The following NALF1 variants were observed in gnomAD, a reference collection of about 807,000 sequenced individuals.
The protein encoded by NALF1 is NALCN channel auxiliary factor 1.
A neutral mutation model predicts 48.4 loss-of-function variants in NALF1; 3 were observed. The ratio of observed to expected loss-of-function variants is 0.06; its 90% CI spans 0.03 to 0.16. The LOEUF (loss-of-function observed/expected upper bound fraction) is 0.16. Among genes scored for constraint, NALF1 ranks in the 10% least tolerant of loss-of-function variants. The pLI is 1.00. For missense variants in NALF1, 526 were observed against 571.5 expected, an observed-to-expected ratio of 0.92 and a Z score of 0.81; for synonymous variants, 262 against 245.7, an observed-to-expected ratio of 1.07 and a Z score of -0.62.
intron 1 of NALF1, among the ~76,000 whole-genome samples, chr13:107,579,657 T>A (rs562985764): frequency 8.3e-6 from 1 of 119,780 alleles, no homozygotes; most frequent in South Asian, 3.3e-4. Context: ...TTTTCTTTTT[T>A]TTTTTAGCTG....
chr13:107,342,758 A>G (rs752227367), intron 1 of NALF1, among the ~76,000 whole-genome samples: 3 of 152,198 alleles, frequency 2.0e-5, no homozygotes, highest in Admixed American at 6.5e-5. Context: ...AGAGATATAA[A>G]AGGAAATGTA....
intron 1 of NALF1, among the ~76,000 whole-genome samples, chr13:107,723,674 C>T (rs1009661513): frequency 3.3e-5 from 5 of 152,040 alleles, no homozygotes; most frequent in African/African-American, 4.8e-5. Flanking sequence ...CAATAGGGCC[C>T]GATAAACTTT....
intron 1 of NALF1, among the ~76,000 whole-genome samples, chr13:107,435,924 T>C (rs573099943): frequency 2.2e-4 from 33 of 152,306 alleles, no homozygotes; most frequent in Non-Finnish European, 4.1e-4. Flanking sequence ...ATGAATACCA[T>C]GGCAGCAGTT....
intron 1 of NALF1, among the ~76,000 whole-genome samples, chr13:107,675,523 G>A (rs1363196794): frequency 6.6e-6 from 1 of 152,154 alleles, no homozygotes; most frequent in Non-Finnish European, 1.5e-5. Context: ...TGAATCGCTA[G>A]AATTTGAAAA....
chr13:107,243,826 G>A (rs568942234), intron 1 of NALF1, among the ~76,000 whole-genome samples: 59 of 152,254 alleles, frequency 3.9e-4, no homozygotes, highest in African/African-American at 1.3e-3. Context: ...AGGAGGCGGC[G>A]GCAAGCAGGA....
At chr13:107,635,550 A>G in intron 1 of NALF1, among the ~76,000 whole-genome samples, 1 of 152,114 alleles carries the variant, frequency 6.6e-6, no homozygotes, top group East Asian at 1.9e-4. Context: ...CTTTAAGGCT[A>G]GCATAAGTTT....
intron 1 of NALF1, among the ~76,000 whole-genome samples, chr13:107,810,233 A>G (rs149318634): frequency 0.022 from 3,396 of 152,140 alleles, 56 homozygotes; most frequent in Non-Finnish European, 0.037. Flanking sequence ...ATATGACTCA[A>G]TATCTCCTCA....
intron 1 of NALF1, among the ~76,000 whole-genome samples, chr13:107,408,139 A>G (rs1245952259): frequency 6.6e-6 from 1 of 152,034 alleles, no homozygotes; most frequent in East Asian, 1.9e-4. Context: ...CACAGGGGAC[A>G]AGTAGGAATG....
intron 1 of NALF1, among the ~76,000 whole-genome samples, chr13:107,647,776 T>C (rs1445959823): frequency 2.6e-5 from 4 of 152,080 alleles, no homozygotes. Flanking sequence ...ATAGTAAACA[T>C]TACATAATGC....
intron 1 of NALF1, among the ~76,000 whole-genome samples, chr13:107,479,487 T>C (rs1885220776): frequency 6.6e-6 from 1 of 152,180 alleles, no homozygotes; most frequent in African/African-American, 2.4e-5. Flanking sequence ...CACAACAACT[T>C]TTTTAATATA....
intron 1 of NALF1, among the ~76,000 whole-genome samples, chr13:107,409,041 A>G (rs150580326): frequency 0.013 from 2,031 of 152,248 alleles, 23 homozygotes; most frequent in South Asian, 0.033. Flanking sequence ...AAAGCCCAAC[A>G]TGAATAGACT....
chr13:107,395,778 G>A (rs1048933500), intron 1 of NALF1, among the ~76,000 whole-genome samples: 5 of 152,066 alleles, frequency 3.3e-5, no homozygotes, highest in African/African-American at 4.8e-5. Flanking sequence ...GTAGACGGCC[G>A]TCTTCTCTCC....
chr13:107,328,677 G>C (rs1272915892), intron 1 of NALF1, among the ~76,000 whole-genome samples: 2 of 152,066 alleles, frequency 1.3e-5, no homozygotes. Flanking sequence ...CCATGTCCTG[G>C]AAAAACAATT....
At chr13:107,270,118 T>A (rs9583161) in intron 1 of NALF1, among the ~76,000 whole-genome samples, 92,311 of 151,554 alleles carry the variant, frequency 0.61, 30,483 homozygotes, top group South Asian at 0.79. Flanking sequence ...TGATGCAGGA[T>A]TATTTGAAAC....
At chr13:107,714,914 T>TCC (rs1875706494) in intron 1 of NALF1, among the ~76,000 whole-genome samples, 2 of 152,172 alleles carry the variant, frequency 1.3e-5, no homozygotes, top group African/African-American at 4.8e-5. Context: ...ATGTGGATAT[T>TCC]AACAATGAGT....
At chr13:107,221,538 C>A (rs1479457888) in intron 1 of NALF1, among the ~76,000 whole-genome samples, 1 of 152,044 alleles carries the variant, frequency 6.6e-6, no homozygotes, top group Admixed American at 6.5e-5. Context: ...CAAGACTGCA[C>A]CATTGCACTC....
intron 1 of NALF1, among the ~76,000 whole-genome samples, chr13:107,741,527 A>AGCATGGAT (rs11282450): frequency 5.3e-5 from 8 of 152,052 alleles, no homozygotes; most frequent in Admixed American, 1.3e-4. Context: ...CAGGTATTTA[A>AGCATGGAT]CACTGAGAAA....
intron 1 of NALF1, among the ~76,000 whole-genome samples, chr13:107,424,458 A>G (rs1396052637): frequency 6.6e-6 from 1 of 152,154 alleles, no homozygotes; most frequent in Non-Finnish European, 1.5e-5. Flanking sequence ...CTTATAATCA[A>G]TGTAAACGTG....
chr13:107,826,314 T>C (rs1359302774), intron 1 of NALF1, among the ~76,000 whole-genome samples: 1 of 152,096 alleles, frequency 6.6e-6, no homozygotes, highest in African/African-American at 2.4e-5. Flanking sequence ...CGTGTGTGTG[T>C]GTGTGTGTGT....
Sources: allele counts gnomAD v4.1 joint callset (sites outside exome capture counted in the v4.1 genomes callset), GRCh38; gene constraint gnomAD v4.1.1; transcripts MANE v1.5; gene names NCBI Gene and HGNC (gene_info 2026-07-23, HGNC 2026-07-21).